The following PCDHGA3 variants were observed in gnomAD, a reference collection of about 807,000 sequenced individuals.
PCDHGA3 encodes the protein protocadherin gamma-A3.
Under a neutral mutation model 58.5 loss-of-function variants are expected in PCDHGA3, and 40 were observed. The ratio of observed to expected loss-of-function variants is 0.68; its 90% confidence interval spans 0.53 to 0.89. The LOEUF is 0.89. PCDHGA3 is among the 40% of genes least tolerant of loss of function. PCDHGA3 has a pLI of 0.00. For synonymous variants in PCDHGA3, 530 were observed against 525.7 expected, an observed-to-expected ratio of 1.01 and a Z score of -0.11; for missense variants, 1,223 against 1,195.9, an observed-to-expected ratio of 1.02 and a Z score of -0.33.
chr5:141,396,962 T>C (rs2150689685), intron 1 of PCDHGA3, among the ~76,000 whole-genome samples: 1 of 152,308 alleles, frequency 6.6e-6, no homozygotes, highest in South Asian at 2.1e-4. Flanking sequence ...ATCCTTACTC[T>C]CCCTAAAAAT....
At chr5:141,357,213 C>G (rs1448825972) in intron 1 of PCDHGA3, 3 of 1,613,766 alleles carry the variant, frequency 1.9e-6, no homozygotes, top group African/African-American at 1.3e-5. Context: ...TCCCAGATGT[C>G]CTGGCTGACT....
At chr5:141,479,823 G>A (rs1208437635) in intron 1 of PCDHGA3, among the ~76,000 whole-genome samples, 1 of 152,172 alleles carries the variant, frequency 6.6e-6, no homozygotes, top group Admixed American at 6.5e-5. Context: ...TACTATCCAA[G>A]GCATGGTATC....
intron 1 of PCDHGA3, chr5:141,375,011 G>A (rs1035429416): frequency 1.2e-6 from 2 of 1,614,028 alleles, no homozygotes; most frequent in African/African-American, 1.3e-5. Context: ...TCTAGACTAT[G>A]AGGACTCGAG....
chr5:141,408,298 G>T (rs778209794), intron 1 of PCDHGA3: 1 of 1,613,704 alleles, frequency 6.2e-7, no homozygotes, highest in South Asian at 1.1e-5. Context: ...TGAGTGAGCC[G>T]ATCCGCTACT....
intron 1 of PCDHGA3, chr5:141,372,569 C>T (rs1768882362): frequency 1.9e-6 from 3 of 1,614,034 alleles, no homozygotes; most frequent in African/African-American, 2.7e-5. Context: ...CCACTGAGGG[C>T]TACTTTCAGC....
At chr5:141,440,551 T>C (rs1220901075) in intron 1 of PCDHGA3, 2 of 152,350 alleles carry the variant, frequency 1.3e-5, no homozygotes, top group East Asian at 1.9e-4. Context: ...GCAGGAATGT[T>C]ATTAAGTTAC....
intron 1 of PCDHGA3, among the ~76,000 whole-genome samples, chr5:141,348,697 G>A (rs1346468171): frequency 6.6e-6 from 1 of 151,962 alleles, no homozygotes; most frequent in Non-Finnish European, 1.5e-5. Flanking sequence ...TTGAAGAATG[G>A]GCAAGAATCC....
At position 141,345,064 on chromosome 5, in the gene PCDHGA3, C is replaced by T. The variant is rs1475789913; in HGVS notation, c.1031C>T (p.Ala344Val). 23 of 1,613,796 alleles carry T rather than the reference C, an allele frequency of 1.4e-5. No individual in the cohort carries two copies. Among genetic ancestry groups the T allele is most frequent in the Non-Finnish European group, 1.9e-5 (22 of 1,179,880 alleles). The change falls in exon 1 of 4, where the codon GCT becomes GTT. Residue 344 changes from alanine to valine, a missense_variant. By Grantham distance (64) the Ala-to-Val change is moderately conservative. Around this residue, in one of 3 missense-constraint regions of PCDHGA3, gnomAD observed 791 missense variants for 708.5 expected, o/e 1.12. Transcript: ENST00000253812. ...ACGGTTCTGGATGTGAATGACAATG[C>T]TCCAGAAATTACAATCACGTCTCTC... Reference protein sequence around the residue: ...LVTVLDVNDNAPEITITSLTS... With the variant: ...LVTVLDVNDNVPEITITSLTS...
chr5:141,475,914 A>C (rs2099380300), intron 1 of PCDHGA3: 1 of 592,260 alleles, frequency 1.7e-6, no homozygotes, highest in African/African-American at 1.9e-5. Context: ...GCCAATGAAG[A>C]CGCTGGAGAT....
chr5:141,355,827 C>T, intron 1 of PCDHGA3: 1 of 1,612,834 alleles, frequency 6.2e-7, no homozygotes, highest in Non-Finnish European at 8.5e-7. Context: ...CGGTTCACCA[C>T]CTCGTTCTCA....
intron 1 of PCDHGA3, chr5:141,352,247 A>G (rs2149768122): frequency 6.2e-7 from 1 of 1,614,076 alleles, no homozygotes; most frequent in South Asian, 1.1e-5. Flanking sequence ...CTTCGCGGAT[A>G]GCCTGCAAGA....
chr5:141,400,281 C>G, intron 1 of PCDHGA3: 5 of 1,614,016 alleles, frequency 3.1e-6, no homozygotes, highest in Non-Finnish European at 4.2e-6. Context: ...CCAGCCCTGC[C>G]GCCTGGAGCT....
At chr5:141,404,949 A>G in intron 1 of PCDHGA3, 1 of 1,613,834 alleles carries the variant, frequency 6.2e-7, no homozygotes, top group Non-Finnish European at 8.5e-7. Flanking sequence ...GCCATAGCTG[A>G]CAGCATCCCA....
At chr5:141,397,467 G>A (rs1052329651) in intron 1 of PCDHGA3, among the ~76,000 whole-genome samples, 1 of 152,176 alleles carries the variant, frequency 6.6e-6, no homozygotes, top group East Asian at 1.9e-4. Flanking sequence ...ATATTGGGGA[G>A]TTGGAAATCA....
Position 141,477,140 on chromosome 5 carries a change from G to GT in PCDHGA3, c.2425-17665dup. ...AGCACATTGCAAAGTGTTGGTGGAG[G>GT]TTGTGGATGTGAATGACAACGCCCC... On this transcript the variant is annotated intron_variant, in intron 1 of 3. Transcript: ENST00000253812. The surrounding 1 kb of genome is among the most constrained non-coding windows in gnomAD (Gnocchi z 4.9). 1 of 1,614,220 alleles carries GT rather than the reference G, an allele frequency of 6.2e-7. No homozygotes were observed. Among genetic ancestry groups the GT allele is most frequent in the Non-Finnish European group, 8.5e-7 (1 of 1,180,048 alleles).
chr5:141,490,726 AATCAGG>A lies in PCDHGA3; in HGVS notation c.2425-4080_2425-4075del. The A allele has an allele frequency of 6.2e-7, 1 of 1,614,202 alleles. No homozygotes were observed. The highest frequency in any genetic ancestry group is 8.5e-7 in the Non-Finnish European group (1 of 1,180,032). On this transcript the variant is annotated intron_variant, in intron 1 of 3. Transcript: ENST00000253812. This position sits in a 1 kb window ranked among gnomAD's most constrained non-coding sequence, Gnocchi z 5.4. Reference sequence around the variant, plus strand: ...CCGCCTCACCTACTCCATTGTAGGAAATCAGGTTCAGGGAGCCCCAGCCTCCTCCTT... The same window carrying A: ...CCGCCTCACCTACTCCATTGTAGGAATTCAGGGAGCCCCAGCCTCCTCCTT...
At chr5:141,408,313 T>A (rs375849626) in intron 1 of PCDHGA3, 28 of 1,613,640 alleles carry the variant, frequency 1.7e-5, no homozygotes, top group Non-Finnish European at 2.0e-5. Flanking sequence ...GCTACTCGAT[T>A]CCGGAGGAGC....
chr5:141,425,348 A>C (rs2096869744), intron 1 of PCDHGA3, among the ~76,000 whole-genome samples: 1 of 152,242 alleles, frequency 6.6e-6, no homozygotes, highest in Non-Finnish European at 1.5e-5. Context: ...GTTGGCTTTG[A>C]AATGTGATAT....
Position 141,431,344 on chromosome 5 carries a change from G to T in PCDHGA3, c.2425-63463G>T. On this transcript the variant is annotated intron_variant, in intron 1 of 3. Coordinates refer to ENST00000253812, the MANE Select transcript of PCDHGA3 (RefSeq NM_018916.4). This position sits in a 1 kb window ranked among gnomAD's most constrained non-coding sequence, Gnocchi z 4.8. ...ACGGTAGTAAGTACCCCGAATTGGT[G>T]CTGAAACGCGCCCTGGACCGCGAAG... 1 of 1,614,078 alleles carries T rather than the reference G, an allele frequency of 6.2e-7. No individual in the cohort carries two copies. The highest frequency in any genetic ancestry group is 1.3e-5 in the African/African-American group (1 of 75,068).
Sources: allele counts gnomAD v4.1 joint callset (sites outside exome capture counted in the v4.1 genomes callset), GRCh38; gene constraint gnomAD v4.1.1; regional missense constraint gnomAD v4.1.1; non-coding constraint Gnocchi (gnomAD v3.1); transcripts MANE v1.5; gene names NCBI Gene and HGNC (gene_info 2026-07-23, HGNC 2026-07-21).